CHST9: variants seen among roughly 807,000 people sequenced by gnomAD.
The protein encoded by CHST9 is carbohydrate sulfotransferase 9, also known as GalNAc-4-sulfotransferase 2.
Under a neutral mutation model 44.4 loss-of-function variants are expected in CHST9, and 41 were observed. The observed-to-expected ratio is 0.92, with a 90% confidence interval of 0.72 to 1.20. The LOEUF is 1.20. Ranked by LOEUF, CHST9 falls within the 50% of genes most tolerant of loss-of-function variation. CHST9 has a pLI of 0.00. For synonymous variants in CHST9, 171 were observed against 178.4 expected, an observed-to-expected ratio of 0.96 and a Z score of 0.33; for missense variants, 504 against 516.5, an observed-to-expected ratio of 0.98 and a Z score of 0.23.
At chr18:27,055,937 C>CATGTGT (rs1555680082) in intron 2 of CHST9, among the ~76,000 whole-genome samples, 2 of 147,344 alleles carry the variant, frequency 1.4e-5, no homozygotes, top group Non-Finnish European at 3.0e-5. Context: ...TTCTCTCTTT[C>CATGTGT]GTGTGTGTGT....
chr18:27,153,728 G>C (rs953710870), intron 1 of CHST9, among the ~76,000 whole-genome samples: 10 of 152,086 alleles, frequency 6.6e-5, no homozygotes, highest in African/African-American at 1.9e-4. Flanking sequence ...TAAAATCACA[G>C]ATTCTGGGTG....
In CHST9 at chr18:27,038,774, G is replaced by A. The variant is rs58168518; in HGVS notation, c.160+9691C>T. Among the ~76,000 whole-genome samples the A allele has an allele frequency of 4.2e-3, 639 of 152,120 alleles. 10 individuals carry two copies. Among genetic ancestry groups the A allele is most frequent in the Admixed American group, 0.025 (382 of 15,278 alleles). On this transcript the variant is annotated intron_variant, in intron 3 of 5. Transcript: ENST00000618847. Reference sequence around the variant, plus strand: ...CATTTTTCTTCAATGATTGCATCATGTAATCTACTATTTTCTATTATAATA... The same window carrying A: ...CATTTTTCTTCAATGATTGCATCATATAATCTACTATTTTCTATTATAATA...
chr18:27,002,224 C>T (rs141603682), intron 4 of CHST9, among the ~76,000 whole-genome samples: 94 of 147,982 alleles, frequency 6.4e-4, no homozygotes, highest in African/African-American at 2.3e-3. Flanking sequence ...CTGCACCATC[C>T]TTAATTTTTT....
chr18:27,026,298 C>A (rs1390806283), intron 3 of CHST9, among the ~76,000 whole-genome samples: 1 of 152,120 alleles, frequency 6.6e-6, no homozygotes, highest in Non-Finnish European at 1.5e-5. Context: ...AAATGCCGTT[C>A]TCCCCCACTA....
intron 2 of CHST9, among the ~76,000 whole-genome samples, chr18:27,107,707 C>G (rs941497293): frequency 1.3e-5 from 2 of 152,146 alleles, no homozygotes; most frequent in Non-Finnish European, 2.9e-5. Context: ...CATCATCCTA[C>G]AGGACATTCC....
intron 2 of CHST9, among the ~76,000 whole-genome samples, chr18:27,053,398 G>T (rs918548164): frequency 2.0e-5 from 3 of 150,284 alleles, no homozygotes; most frequent in Non-Finnish European, 4.4e-5. Flanking sequence ...GTCTGCTCAG[G>T]CACCCAAATA....
At chr18:27,057,443 A>T (rs948403562) in intron 2 of CHST9, among the ~76,000 whole-genome samples, 5 of 152,230 alleles carry the variant, frequency 3.3e-5, no homozygotes, top group Admixed American at 6.5e-5. Context: ...CATGCTGCTG[A>T]TTAAACACCA....
intron 2 of CHST9, among the ~76,000 whole-genome samples, chr18:27,111,990 T>C (rs1002960954): frequency 6.6e-6 from 1 of 152,036 alleles, no homozygotes; most frequent in Non-Finnish European, 1.5e-5. Context: ...AGATGGCAGA[T>C]CATGGGTCTT....
intron 4 of CHST9, among the ~76,000 whole-genome samples, chr18:26,967,020 C>T (rs893746764): frequency 2.6e-5 from 4 of 151,892 alleles, no homozygotes; most frequent in African/African-American, 4.8e-5. Flanking sequence ...ACTACAGATA[C>T]GCTTTTTGGG....
At chr18:27,037,211 A>G (rs950918554) in intron 3 of CHST9, among the ~76,000 whole-genome samples, 5 of 152,310 alleles carry the variant, frequency 3.3e-5, no homozygotes, top group African/African-American at 1.2e-4. Flanking sequence ...GTGGTCCCTC[A>G]TATCTGCCAT....
chr18:26,972,357 C>CAAAAA lies in CHST9; in HGVS notation c.203-27996_203-27992dup, dbSNP rs887066938. Among the ~76,000 whole-genome samples the CAAAAA allele has an allele frequency of 2.7e-3, 173 of 65,226 alleles. 2 individuals carry two copies. The highest frequency in any genetic ancestry group is 8.1e-3 in the African/African-American group (148 of 18,278). The allele number at this position is 65,226 out of a possible 152,430, so 42.8% of individuals were successfully genotyped here. On this transcript the variant is annotated intron_variant, in intron 4 of 5. Transcript: ENST00000618847. ...AGGTGACAGAGCAAGACTCCAACTC[C>CAAAAA]AAAAAAAAAAAAAAAAAAAAAAAAG... is the stretch of plus-strand genomic sequence containing the variant.
At chr18:27,139,324 A>T (rs2058544984) in intron 2 of CHST9, among the ~76,000 whole-genome samples, 1 of 152,140 alleles carries the variant, frequency 6.6e-6, no homozygotes, top group African/African-American at 2.4e-5. Context: ...GAACCAAACC[A>T]GCTCATCTTT....
At chr18:27,144,238 A>G (rs1280057186) in intron 1 of CHST9, among the ~76,000 whole-genome samples, 1 of 152,236 alleles carries the variant, frequency 6.6e-6, no homozygotes, top group Non-Finnish European at 1.5e-5. Flanking sequence ...CTTCTATTCC[A>G]TTGCCTCAAA....
chr18:27,011,728 G>C (rs1428928280), intron 4 of CHST9, among the ~76,000 whole-genome samples: 2 of 152,214 alleles, frequency 1.3e-5, no homozygotes, highest in Admixed American at 6.5e-5. Context: ...CAAACTCTCA[G>C]TCTCAAGGAG....
chr18:27,038,695 AGTAGT>A (rs1489428931), intron 3 of CHST9, among the ~76,000 whole-genome samples: 13 of 152,320 alleles, frequency 8.5e-5, no homozygotes, highest in East Asian at 5.8e-4. Flanking sequence ...TAAAATCTGA[AGTAGT>A]GTAAAGTGTT....
At chr18:26,987,794 C>T (rs1260018670) in intron 4 of CHST9, among the ~76,000 whole-genome samples, 1 of 152,128 alleles carries the variant, frequency 6.6e-6, no homozygotes, top group Admixed American at 6.6e-5. Flanking sequence ...AAAGAGACTT[C>T]AGAGAGCTTC....
At chr18:27,170,146 C>G (rs1419865273) in intron 1 of CHST9, among the ~76,000 whole-genome samples, 1 of 152,156 alleles carries the variant, frequency 6.6e-6, no homozygotes, top group African/African-American at 2.4e-5. Flanking sequence ...GCTAAATTCC[C>G]TTTTATTTTC....
rs745315555 is a variant in CHST9, at chr18:26,916,605, T to C, written c.986A>G (p.Lys329Arg). The change falls in exon 6 of 6, where the codon AAG becomes AGG. Residue 329 changes from lysine to arginine, a missense_variant. Coordinates refer to ENST00000618847, the MANE Select transcript of CHST9 (RefSeq NM_031422.6). The stretch of plus-strand genomic sequence containing the variant: ...CAAGTAGTGGATAAACTCTTTGAAC[T>C]TGACTCCAGATCCATTAATTAATGC... Reference protein sequence around the residue: ...EEALINGSGVKFKEFIHYLLD... With the variant: ...EEALINGSGVRFKEFIHYLLD... 6.2e-7 allele frequency: 1 copy of C among 1,613,840 alleles called. No homozygotes were observed. Among genetic ancestry groups the C allele is most frequent in the East Asian group, 2.2e-5 (1 of 44,878 alleles).
intron 3 of CHST9, among the ~76,000 whole-genome samples, chr18:27,034,188 C>T (rs139767101): frequency 1.3e-3 from 205 of 152,272 alleles, no homozygotes; most frequent in African/African-American, 4.6e-3. Context: ...TGCTGTATCT[C>T]AGCTAATAGT....
Sources: gnomAD v4.1 joint callset for allele counts (sites outside exome capture counted in the v4.1 genomes callset) on GRCh38, gnomAD v4.1.1 for gene constraint, MANE v1.5 for transcripts, NCBI Gene and HGNC (gene_info 2026-07-23, HGNC 2026-07-21) for gene names.